Variants in TXNDC8 observed in about 807,000 individuals in gnomAD.
The protein encoded by TXNDC8 is thioredoxin domain-containing protein 8.
Under a neutral mutation model 12.9 loss-of-function variants are expected in TXNDC8, and 15 were observed. That is an observed-to-expected ratio of 1.16 (90% CI 0.78 to 1.79). TXNDC8 has a LOEUF of 1.79. Ranked by LOEUF, TXNDC8 falls within the 40% of genes most tolerant of loss-of-function variation. TXNDC8 has a pLI of 0.00. For synonymous variants in TXNDC8, 40 were observed against 35.4 expected (o/e 1.13, Z -0.46); for missense variants, 128 against 113.2 (o/e 1.13, Z -0.59).
chr9:110,324,204 G>A (rs1239630326), intron 3 of TXNDC8, among the ~76,000 whole-genome samples: 1 of 152,230 alleles, frequency 6.6e-6, no homozygotes, highest in Non-Finnish European at 1.5e-5. Context: ...ATTTTGAAAG[G>A]AGGAAGCATT....
At position 110,329,221 on chromosome 9, in the gene TXNDC8, A is replaced by C. The variant is rs759611642; in HGVS notation, c.130-2981T>G. The stretch of plus-strand genomic sequence containing the variant: ...TTTTGAGTATGTGCACAGAAGATTT[A>C]AGATTCTTACCGGAGAATTGTTCAC... On this transcript the variant is annotated intron_variant, in intron 2 of 4. Coordinates refer to ENST00000423740, the MANE Select transcript of TXNDC8 (RefSeq NM_001286946.2). 6.2e-7 allele frequency: 1 copy of C among 1,610,920 alleles called. No individual in the cohort carries two copies. The highest frequency in any genetic ancestry group is 1.1e-5 in the South Asian group (1 of 90,768).
chr9:110,326,058 G>T, intron 3 of TXNDC8, 117 bp downstream of exon 4: 2 of 952,994 alleles, frequency 2.1e-6, no homozygotes, highest in Non-Finnish European at 3.3e-6. Context: ...GAATTATATT[G>T]GTAAGCATTA....
intron 1 of TXNDC8, 74 bp downstream of exon 1, chr9:110,337,698 AT>A (rs1180075140): frequency 2.1e-6 from 3 of 1,398,356 alleles, no homozygotes; most frequent in Non-Finnish European, 3.0e-6. Context: ...GAGAGAACAC[AT>A]TCTTAAAGTT....
chr9:110,330,447 G>T (rs1839505091), intron 2 of TXNDC8, among the ~76,000 whole-genome samples: 1 of 152,204 alleles, frequency 6.6e-6, no homozygotes, highest in African/African-American at 2.4e-5. Context: ...GATCCTACTT[G>T]ATCTGGCCTC....
intron 2 of TXNDC8, among the ~76,000 whole-genome samples, chr9:110,326,500 G>C (rs1030402696): frequency 6.6e-6 from 1 of 152,210 alleles, no homozygotes; most frequent in African/African-American, 2.4e-5. Flanking sequence ...GTAAGAGATG[G>C]AGGCCACAAC....
intron 3 of TXNDC8, among the ~76,000 whole-genome samples, chr9:110,305,805 T>TCC (rs2118694353): frequency 9.7e-6 from 1 of 103,486 alleles, no homozygotes; most frequent in South Asian, 2.7e-4. Flanking sequence ...TTCTTTTCTT[T>TCC]TCTTTCCTTT....
At chr9:110,317,296 C>G (rs1838920573) in intron 3 of TXNDC8, among the ~76,000 whole-genome samples, 1 of 152,168 alleles carries the variant, frequency 6.6e-6, no homozygotes, top group Non-Finnish European at 1.5e-5. Context: ...TCTCATGTTT[C>G]CACTGGAAAA....
At position 110,312,061 on chromosome 9, in the gene TXNDC8, T is replaced by TA. The variant is rs796754350; in HGVS notation, c.196-7530dup. 4.4e-4 allele frequency among the ~76,000 whole-genome samples: 66 copies of TA among 150,398 alleles called. 1 individual carries two copies. The East Asian group carries it at 0.01, about 24-fold the overall frequency. On this transcript the variant is annotated intron_variant, in intron 3 of 4. Transcript: ENST00000423740. The stretch of plus-strand genomic sequence containing the variant: ...CAGGAGTTATCTGCATGGACTGAAC[T>TA]AAAAAAAAACCGAAGTAATATTTTT...
intron 3 of TXNDC8, among the ~76,000 whole-genome samples, chr9:110,311,617 G>T (rs1838679773): frequency 9.8e-6 from 1 of 102,316 alleles, no homozygotes; most frequent in Non-Finnish European, 2.0e-5. Flanking sequence ...TATGGATATA[G>T]TAATAGATAT....
intron 3 of TXNDC8, chr9:110,322,675 A>C: frequency 1.0e-6 from 1 of 985,520 alleles, no homozygotes. Context: ...CTACCAAACA[A>C]TATCAGCAGC....
chr9:110,304,601 G>T, intron 3 of TXNDC8, 69 bp from the exon 5 acceptor site: 1 of 1,410,796 alleles, frequency 7.1e-7, no homozygotes, highest in South Asian at 1.4e-5. Context: ...CCCTATAACT[G>T]GTTCTTTTGG....
At chr9:110,330,540 G>A (rs920638116) in intron 2 of TXNDC8, among the ~76,000 whole-genome samples, 26 of 152,054 alleles carry the variant, frequency 1.7e-4, no homozygotes, top group African/African-American at 5.1e-4. Context: ...GCCTTCCCCC[G>A]ATCACATCAT....
chr9:110,302,891 C>G (rs1015526747), downstream of TXNDC8, among the ~76,000 whole-genome samples: 2 of 152,032 alleles, frequency 1.3e-5, no homozygotes, highest in South Asian at 2.1e-4. Context: ...TAGTGAACCC[C>G]TGTTTCTACT....
At chr9:110,323,052 G>GT in intron 3 of TXNDC8, 1 of 985,136 alleles carries the variant, frequency 1.0e-6, no homozygotes, top group Non-Finnish European at 1.2e-6. Context: ...GTTTAGCCTT[G>GT]ATTCTATAGG....
intron 3 of TXNDC8, among the ~76,000 whole-genome samples, chr9:110,306,722 T>A (rs1202726524): frequency 2.0e-5 from 3 of 152,210 alleles, no homozygotes; most frequent in Admixed American, 6.5e-5. Flanking sequence ...TCCTGACATA[T>A]ACCCATGTTA....
At chr9:110,336,054 T>G (rs1001787003) in intron 1 of TXNDC8, among the ~76,000 whole-genome samples, 8 of 152,294 alleles carry the variant, frequency 5.3e-5, no homozygotes, top group African/African-American at 1.9e-4. Flanking sequence ...TAAAGGGCAG[T>G]TCCCCTGCAC....
At chr9:110,306,475 C>T (rs757342935) in intron 3 of TXNDC8, among the ~76,000 whole-genome samples, 5 of 152,130 alleles carry the variant, frequency 3.3e-5, no homozygotes, top group Non-Finnish European at 7.4e-5. Flanking sequence ...TCAGTTTTTC[C>T]CCATCACCAT....
downstream of TXNDC8, among the ~76,000 whole-genome samples, chr9:110,303,175 C>G (rs1838306728): frequency 6.6e-6 from 1 of 152,152 alleles, no homozygotes; most frequent in Non-Finnish European, 1.5e-5. Context: ...TTATTTGTTC[C>G]TTGACCACTG....
At chr9:110,322,787 G>A in intron 3 of TXNDC8, 2 of 985,536 alleles carry the variant, frequency 2.0e-6, no homozygotes, top group Non-Finnish European at 2.4e-6. Flanking sequence ...AGCTGGCAGT[G>A]GGATGCAGGG....
Sources: gnomAD v4.1 joint callset for allele counts (sites outside exome capture counted in the v4.1 genomes callset) on GRCh38, gnomAD v4.1.1 for gene constraint, MANE v1.5 for transcripts, NCBI Gene and HGNC (gene_info 2026-07-23, HGNC 2026-07-21) for gene names.